Variants in IGF2BP2 observed in about 807,000 individuals in gnomAD.
The protein encoded by IGF2BP2 is insulin like growth factor 2 mRNA binding protein 2.
Under a neutral mutation model 75.8 loss-of-function variants are expected in IGF2BP2, and 17 were observed. The ratio of observed to expected loss-of-function variants is 0.22; its 90% CI spans 0.15 to 0.34. The LOEUF (loss-of-function observed/expected upper bound fraction) is 0.34, where lower values mean the gene tolerates loss of function less well. IGF2BP2 is among the 10% of genes least tolerant of loss of function. IGF2BP2 has a pLI of 1.00. For missense variants in IGF2BP2, 516 were observed against 772.4 expected (o/e 0.67, Z 3.93); for synonymous variants, 288 against 295.6 (o/e 0.97, Z 0.26).
At chr3:185,692,823 T>A in intron 4 of IGF2BP2, 61 bp from the exon 5 acceptor site, 1 of 1,465,138 alleles carries the variant, frequency 6.8e-7, no homozygotes, top group South Asian at 1.2e-5. Flanking sequence ...TCTGGCTTAA[T>A]GTAAACAGAC....
At chr3:185,727,958 T>C (rs1727585257) in intron 2 of IGF2BP2, among the ~76,000 whole-genome samples, 1 of 152,164 alleles carries the variant, frequency 6.6e-6, no homozygotes, top group Non-Finnish European at 1.5e-5. Context: ...CTGCACTACC[T>C]ACATCTCAAC....
chr3:185,697,305 C>T (rs1006910566), intron 3 of IGF2BP2, among the ~76,000 whole-genome samples: 3 of 152,060 alleles, frequency 2.0e-5, no homozygotes, highest in Non-Finnish European at 4.4e-5. Flanking sequence ...GTGGTTTCAC[C>T]ATGTTGGTCA....
intron 2 of IGF2BP2, among the ~76,000 whole-genome samples, chr3:185,810,799 C>G (rs1332679555): frequency 6.6e-6 from 1 of 150,788 alleles, no homozygotes; most frequent in Non-Finnish European, 1.5e-5. Flanking sequence ...AAAACAAAAA[C>G]TAAAAAACAA....
intron 9 of IGF2BP2, among the ~76,000 whole-genome samples, chr3:185,673,970 C>G (rs967742522): frequency 1.3e-5 from 2 of 152,220 alleles, no homozygotes; most frequent in Admixed American, 1.3e-4. Context: ...GATGATACTT[C>G]CACAAATATA....
At chr3:185,720,471 C>T (rs1399312290) in intron 2 of IGF2BP2, among the ~76,000 whole-genome samples, 2 of 152,190 alleles carry the variant, frequency 1.3e-5, no homozygotes, top group Non-Finnish European at 2.9e-5. Context: ...CCCCCAAAGC[C>T]TATTTAAAGC....
At chr3:185,675,985 CT>C in intron 7 of IGF2BP2, 72 bp from the exon 8 acceptor site, 1 of 1,551,018 alleles carries the variant, frequency 6.4e-7, no homozygotes, top group African/African-American at 1.4e-5. Flanking sequence ...CATTACCTTG[CT>C]TTTTTCTTAT....
At chr3:185,654,223 G>A (rs1715063918) in intron 12 of IGF2BP2, among the ~76,000 whole-genome samples, 1 of 152,214 alleles carries the variant, frequency 6.6e-6, no homozygotes. Context: ...TTCCTTTGCT[G>A]TGGGCAGCCA....
chr3:185,733,603 A>G (rs1728472776), intron 2 of IGF2BP2, among the ~76,000 whole-genome samples: 1 of 152,156 alleles, frequency 6.6e-6, no homozygotes, highest in South Asian at 2.1e-4. Context: ...CTAAAAATAC[A>G]AAACTAGCTG....
rs201025983 is a variant in IGF2BP2, at chr3:185,683,810, C to CT, written c.812+3246dup. Among the ~76,000 whole-genome samples, 873 of 152,260 alleles carry CT rather than the reference C, an allele frequency of 5.7e-3. 8 individuals carry two copies. Among genetic ancestry groups the CT allele is most frequent in the African/African-American group, 0.02 (813 of 41,550 alleles). ...GGATGCCCTCTCCCTCAATTTGTAA[C>CT]TTTTTTGTGGGAATGCACATCTGAA... On this transcript the variant is annotated intron_variant, in intron 7 of 15. Transcript: ENST00000382199.
chr3:185,745,241 C>A (rs953271002), intron 2 of IGF2BP2, among the ~76,000 whole-genome samples: 1 of 152,144 alleles, frequency 6.6e-6, no homozygotes, highest in Non-Finnish European at 1.5e-5. Flanking sequence ...GAGGAATGGT[C>A]GACCAAGTTC....
At position 185,647,067 on chromosome 3, in the gene IGF2BP2, C is replaced by G. The variant is rs752689122; in HGVS notation, c.1665G>C (p.Glu555Asp). 30 of 1,614,144 alleles carry G rather than the reference C, an allele frequency of 1.9e-5. No individual in the cohort carries two copies. The highest frequency in any genetic ancestry group is 2.5e-5 in the Non-Finnish European group (30 of 1,179,980). The change falls in exon 15 of 16, where the codon GAG becomes GAC. Residue 555 changes from glutamate to aspartate, a missense_variant. Physicochemically the swap from Glu to Asp is conservative, Grantham distance 45. Coordinates refer to ENST00000382199, the MANE Select transcript of IGF2BP2 (RefSeq NM_006548.6). This position sits in a 1 kb window ranked among gnomAD's most constrained non-coding sequence, Gnocchi z 4.9. ...VPRDQTPDEN[E>D]EVIVRIIGHF... ...GCCCGATAATTCTGACGATCACTTC[C>G]TCATTTTCATCTGGCGTTTGGTCAC...
At chr3:185,701,203 T>A (rs1723249065) in intron 2 of IGF2BP2, among the ~76,000 whole-genome samples, 1 of 152,006 alleles carries the variant, frequency 6.6e-6, no homozygotes, top group Non-Finnish European at 1.5e-5. Context: ...GTGCTAAGAT[T>A]AAAGGCATGA....
rs1017987350 is a variant in IGF2BP2, at chr3:185,743,131, C to T, written c.240-44784G>A. ...AAACAAACAAACAAACTGCATTGCA[C>T]AATATAAAGGCAAACAATAAAATTC... On this transcript the variant is annotated intron_variant, in intron 2 of 15. Transcript: ENST00000382199. Among the ~76,000 whole-genome samples, 2 of 151,274 alleles carry T rather than the reference C, an allele frequency of 1.3e-5. 1 individual carries two copies. Among genetic ancestry groups the T allele is most frequent in the Admixed American group, 1.3e-4 (2 of 15,190 alleles).
At chr3:185,818,873 A>G (rs970192964) in intron 2 of IGF2BP2, among the ~76,000 whole-genome samples, 1 of 152,202 alleles carries the variant, frequency 6.6e-6, no homozygotes, top group Non-Finnish European at 1.5e-5. Flanking sequence ...TCAACACAGT[A>G]CTTGAAAATC....
chr3:185,699,461 T>C (rs1161405852), intron 2 of IGF2BP2, among the ~76,000 whole-genome samples: 1 of 152,224 alleles, frequency 6.6e-6, no homozygotes, highest in African/African-American at 2.4e-5. Flanking sequence ...TATTTTTATT[T>C]CTGAATAGGT....
chr3:185,676,512 A>T (rs1195406549), intron 7 of IGF2BP2, among the ~76,000 whole-genome samples: 1 of 152,042 alleles, frequency 6.6e-6, no homozygotes, highest in African/African-American at 2.4e-5. Flanking sequence ...CACTGTCCTT[A>T]CTAAAAACAC....
chr3:185,659,910 T>C (rs944231804), intron 10 of IGF2BP2, among the ~76,000 whole-genome samples: 1 of 152,092 alleles, frequency 6.6e-6, no homozygotes, highest in Non-Finnish European at 1.5e-5. Flanking sequence ...TTCTCCTGCC[T>C]CAGCCTCCCA....
rs1397374542 is a variant in IGF2BP2, at chr3:185,824,844, G to T, written c.117C>A (p.Gly39=). ...PLAGQVLLKS[G]YAFVDYPDQN... The stretch of plus-strand genomic sequence containing the variant: ...GGTCGGGGTAGTCCACGAAGGCGTA[G>T]CCGGACTTCAGCAGGACCTGTCCCG... Residue 39 remains glycine, a synonymous_variant, in exon 1 of 16, where the codon GGC becomes GGA. Coordinates refer to ENST00000382199, the MANE Select transcript of IGF2BP2 (RefSeq NM_006548.6). 2.6e-6 allele frequency: 4 copies of T among 1,546,674 alleles called. No homozygotes were observed. The highest frequency in any genetic ancestry group is 3.5e-6 in the Non-Finnish European group (4 of 1,145,348).
intron 10 of IGF2BP2, among the ~76,000 whole-genome samples, chr3:185,665,368 GAGGAGA>G: frequency 7.9e-6 from 1 of 126,922 alleles, no homozygotes; most frequent in Non-Finnish European, 1.7e-5. Flanking sequence ...GAAGGAGGAG[GAGGAGA>G]AGGAGGAGGA....
Sources: allele counts gnomAD v4.1 joint callset (sites outside exome capture counted in the v4.1 genomes callset), GRCh38; gene constraint gnomAD v4.1.1; non-coding constraint Gnocchi (gnomAD v3.1); transcripts MANE v1.5; gene names NCBI Gene and HGNC (gene_info 2026-07-23, HGNC 2026-07-21).